The following NRXN1 variants were observed in gnomAD, a reference collection of about 807,000 sequenced individuals.
The protein encoded by NRXN1 is neurexin-1.
Under a neutral mutation model 150.9 loss-of-function variants are expected in NRXN1, and 39 were observed. The observed-to-expected ratio is 0.26, with a 90% confidence interval of 0.20 to 0.34. The LOEUF (loss-of-function observed/expected upper bound fraction) is 0.34. NRXN1 is among the 10% of genes least tolerant of loss of function. NRXN1 has a pLI of 1.00. For missense variants in NRXN1, 1,815 were observed against 1,949.9 expected, an observed-to-expected ratio of 0.93 and a Z score of 1.30; for synonymous variants, 924 against 757.0, an observed-to-expected ratio of 1.22 and a Z score of -3.62.
intron 21 of NRXN1, among the ~76,000 whole-genome samples, chr2:50,038,069 G>C (rs1215830141): frequency 6.6e-6 from 1 of 152,134 alleles, no homozygotes; most frequent in Non-Finnish European, 1.5e-5. Context: ...AAAAGGAACA[G>C]CTTAGAATAT....
chr2:49,987,341 C>G (rs1681102121), intron 21 of NRXN1, among the ~76,000 whole-genome samples: 1 of 152,148 alleles, frequency 6.6e-6, no homozygotes, highest in Non-Finnish European at 1.5e-5. Context: ...TTCCCCTGTC[C>G]TAAGCCTTGG....
At chr2:50,807,078 A>G (rs1667604653) in intron 5 of NRXN1, among the ~76,000 whole-genome samples, 1 of 152,146 alleles carries the variant, frequency 6.6e-6, no homozygotes, top group Non-Finnish European at 1.5e-5. Context: ...GTGCCTCTAG[A>G]GTGTTATAGA....
chr2:50,021,090 C>T (rs1363361898), intron 21 of NRXN1, among the ~76,000 whole-genome samples: 2 of 152,120 alleles, frequency 1.3e-5, no homozygotes, highest in Admixed American at 6.5e-5. Context: ...TCAACTCTTG[C>T]CTAGCAGCTT....
At chr2:50,252,253 CTTTTCT>C (rs2067189108) in intron 17 of NRXN1, among the ~76,000 whole-genome samples, 1 of 58,858 alleles carries the variant, frequency 1.7e-5, no homozygotes, top group African/African-American at 6.8e-5. Context: ...TTTCTTTTTT[CTTTTCT>C]TTTTTTTTTT....
intron 2 of NRXN1, chr2:51,026,400 C>T (rs773084158): frequency 1.9e-6 from 3 of 1,600,806 alleles, no homozygotes; most frequent in East Asian, 4.5e-5. Context: ...TGTATTTATA[C>T]AACAGTATTT....
chr2:50,913,193 CTG>C (rs1247377354), intron 5 of NRXN1, among the ~76,000 whole-genome samples: 2 of 151,784 alleles, frequency 1.3e-5, no homozygotes, highest in Non-Finnish European at 2.9e-5. Context: ...CAAACATTAT[CTG>C]TTCACTGAGT....
At chr2:50,765,761 G>T (rs1425689450) in intron 5 of NRXN1, among the ~76,000 whole-genome samples, 1 of 152,020 alleles carries the variant, frequency 6.6e-6, no homozygotes, top group Non-Finnish European at 1.5e-5. Flanking sequence ...GAGGGAAGCA[G>T]GTGAAAAACA....
intron 5 of NRXN1, among the ~76,000 whole-genome samples, chr2:50,916,251 T>C (rs1157276104): frequency 6.6e-6 from 1 of 151,018 alleles, no homozygotes; most frequent in East Asian, 2.0e-4. Context: ...ATAAGCAGCG[T>C]CACCTTTCAT....
intron 5 of NRXN1, among the ~76,000 whole-genome samples, chr2:50,848,249 G>A (rs1673984599): frequency 6.6e-6 from 1 of 152,132 alleles, no homozygotes; most frequent in East Asian, 1.9e-4. Context: ...CACGCCCTGC[G>A]AGGGGGACAA....
chr2:49,933,466 C>A (rs62132414), intron 22 of NRXN1, among the ~76,000 whole-genome samples: 1 of 152,076 alleles, frequency 6.6e-6, no homozygotes, highest in African/African-American at 2.4e-5. Context: ...ACTCTCTGTC[C>A]TTTGCTGTGG....
chr2:50,574,183 T>C (rs1334228913), intron 8 of NRXN1, among the ~76,000 whole-genome samples: 2 of 152,144 alleles, frequency 1.3e-5, no homozygotes, highest in South Asian at 2.1e-4. Flanking sequence ...AGGAAGACAT[T>C]AGACACCCTA....
At chr2:50,775,245 C>T (rs1703467161) in intron 5 of NRXN1, among the ~76,000 whole-genome samples, 1 of 152,082 alleles carries the variant, frequency 6.6e-6, no homozygotes, top group African/African-American at 2.4e-5. Flanking sequence ...ATATGATTCT[C>T]TAACAGTAGC....
At chr2:50,470,884 A>C (rs2089390870) in intron 16 of NRXN1, among the ~76,000 whole-genome samples, 1 of 151,852 alleles carries the variant, frequency 6.6e-6, no homozygotes, top group South Asian at 2.1e-4. Context: ...GATAGAGAGC[A>C]CAAAAGAAAA....
chr2:50,621,520 C>T (rs1287277494), intron 6 of NRXN1, among the ~76,000 whole-genome samples: 1 of 152,118 alleles, frequency 6.6e-6, no homozygotes, highest in Non-Finnish European at 1.5e-5. Context: ...TCATAATTTG[C>T]TACTAGACAG....
At chr2:50,047,135 G>T (rs1691933216) in intron 21 of NRXN1, among the ~76,000 whole-genome samples, 1 of 152,064 alleles carries the variant, frequency 6.6e-6, no homozygotes, top group African/African-American at 2.4e-5. Context: ...TGAGAAAGCA[G>T]GAGGTGATGA....
At chr2:50,132,358 T>G (rs545938113) in intron 18 of NRXN1, among the ~76,000 whole-genome samples, 3 of 148,076 alleles carry the variant, frequency 2.0e-5, no homozygotes, top group Non-Finnish European at 4.4e-5. Context: ...CAGGCTGGAG[T>G]GCAGTGGCAC....
At chr2:49,961,935 AAT>A (rs1454101733) in intron 21 of NRXN1, among the ~76,000 whole-genome samples, 1 of 152,172 alleles carries the variant, frequency 6.6e-6, no homozygotes, top group Non-Finnish European at 1.5e-5. Flanking sequence ...GTAAGGGAAA[AAT>A]AATTCTTGAA....
intron 12 of NRXN1, among the ~76,000 whole-genome samples, chr2:50,511,241 A>T (rs1046371356): frequency 6.6e-6 from 1 of 152,022 alleles, no homozygotes; most frequent in Non-Finnish European, 1.5e-5. Context: ...TTGTATTTTA[A>T]TAGACATGGA....
At chr2:50,107,545 T>A (rs1202753021) in intron 18 of NRXN1, among the ~76,000 whole-genome samples, 59 of 96,482 alleles carry the variant, frequency 6.1e-4, no homozygotes, top group South Asian at 1.3e-3. Flanking sequence ...ATATATTTTT[T>A]TTTTTTACCC....
Sources: gnomAD v4.1 joint callset for allele counts (sites outside exome capture counted in the v4.1 genomes callset) on GRCh38, gnomAD v4.1.1 for gene constraint, MANE v1.5 for transcripts, NCBI Gene and HGNC (gene_info 2026-07-23, HGNC 2026-07-21) for gene names.